HTR1E: variants seen among roughly 807,000 people sequenced by gnomAD.
The protein encoded by HTR1E is 5-hydroxytryptamine receptor 1E.
A neutral mutation model predicts 3.4 loss-of-function variants in HTR1E; 3 were observed. That is an observed-to-expected ratio of 0.89 (90% CI 0.41 to 2.31). The LOEUF (loss-of-function observed/expected upper bound fraction) is 2.31, where lower values mean the gene tolerates loss of function less well. Among genes scored for constraint, HTR1E ranks in the 30% most tolerant of loss-of-function variants. The pLI is 0.05. For missense variants in HTR1E, 392 were observed against 467.0 expected (o/e 0.84, Z 1.48); for synonymous variants, 170 against 182.8 (o/e 0.93, Z 0.56).
intron 1 of HTR1E, among the ~76,000 whole-genome samples, chr6:86,950,894 C>A (rs1023808337): frequency 6.6e-6 from 1 of 152,160 alleles, no homozygotes; most frequent in African/African-American, 2.4e-5. Flanking sequence ...TTTTTCAAAT[C>A]TGTTTTTCTA....
chr6:86,965,472 C>A (rs1252125512), intron 1 of HTR1E, among the ~76,000 whole-genome samples: 1 of 152,092 alleles, frequency 6.6e-6, no homozygotes, highest in Non-Finnish European at 1.5e-5. Context: ...CTAGCCATCA[C>A]CCACATAAAT....
chr6:86,979,539 A>C (rs975501769), intron 1 of HTR1E, among the ~76,000 whole-genome samples: 6 of 152,192 alleles, frequency 3.9e-5, no homozygotes, highest in African/African-American at 1.4e-4. Flanking sequence ...GATATGGCAA[A>C]GTGGTGGTAT....
At chr6:86,948,096 AT>A (rs1767151894) in intron 1 of HTR1E, among the ~76,000 whole-genome samples, 1 of 152,114 alleles carries the variant, frequency 6.6e-6, no homozygotes, top group African/African-American at 2.4e-5. Flanking sequence ...ATGTGTTCTC[AT>A]TGTTCAACTC....
intron 1 of HTR1E, among the ~76,000 whole-genome samples, chr6:86,947,777 G>A (rs1285362955): frequency 2.0e-5 from 3 of 152,052 alleles, no homozygotes; most frequent in Non-Finnish European, 4.4e-5. Flanking sequence ...TATCCAAAGT[G>A]GAATTTGGAT....
chr6:86,939,543 A>G (rs149681886), intron 1 of HTR1E, among the ~76,000 whole-genome samples: 139 of 152,330 alleles, frequency 9.1e-4, no homozygotes, highest in South Asian at 2.7e-3. Context: ...GGAGCCTTTT[A>G]AAGTGTAGCC....
intron 1 of HTR1E, among the ~76,000 whole-genome samples, chr6:87,005,358 C>G (rs1311243305): frequency 6.6e-6 from 1 of 152,080 alleles, no homozygotes; most frequent in Non-Finnish European, 1.5e-5. Flanking sequence ...ACTATAGTAA[C>G]CAAAACAGCA....
At chr6:86,943,580 C>T (rs1405117760) in intron 1 of HTR1E, among the ~76,000 whole-genome samples, 1 of 152,188 alleles carries the variant, frequency 6.6e-6, no homozygotes, top group Non-Finnish European at 1.5e-5. Flanking sequence ...TTCATTGTCA[C>T]CTGTGATGTC....
chr6:86,974,308 A>T (rs1211387420), intron 1 of HTR1E, among the ~76,000 whole-genome samples: 2 of 152,358 alleles, frequency 1.3e-5, no homozygotes, highest in African/African-American at 4.8e-5. Flanking sequence ...GAAAATTAAT[A>T]TTGAAATATT....
chr6:86,940,049 G>A (rs552615899), intron 1 of HTR1E, among the ~76,000 whole-genome samples: 4 of 152,116 alleles, frequency 2.6e-5, no homozygotes, highest in Non-Finnish European at 5.9e-5. Context: ...ACAAAATCCA[G>A]GACACACCTC....
intron 1 of HTR1E, among the ~76,000 whole-genome samples, chr6:87,010,359 G>T (rs1390752394): frequency 9.1e-6 from 1 of 110,154 alleles, no homozygotes; most frequent in Non-Finnish European, 1.9e-5. Context: ...CTGGCCGGGC[G>T]GGGGGCTGAC....
intron 1 of HTR1E, among the ~76,000 whole-genome samples, chr6:86,942,204 G>T (rs1041067838): frequency 4.6e-5 from 7 of 152,158 alleles, no homozygotes; most frequent in Non-Finnish European, 8.8e-5. Flanking sequence ...GGAGGAAGAA[G>T]AACCTACAGA....
chr6:86,942,828 G>A (rs1360410300), intron 1 of HTR1E, among the ~76,000 whole-genome samples: 1 of 152,162 alleles, frequency 6.6e-6, no homozygotes, highest in East Asian at 1.9e-4. Context: ...TGACCCCAGG[G>A]TTTGGTGACT....
chr6:86,939,334 A>G (rs375383411), intron 1 of HTR1E, among the ~76,000 whole-genome samples: 4 of 152,364 alleles, frequency 2.6e-5, no homozygotes, highest in African/African-American at 7.2e-5. Context: ...CTAAAATTGC[A>G]TAGCACCTCA....
At chr6:86,947,072 C>T (rs113159078) in intron 1 of HTR1E, among the ~76,000 whole-genome samples, 3,992 of 151,856 alleles carry the variant, frequency 0.026, 120 homozygotes, top group East Asian at 0.14. Flanking sequence ...GCCGAGATCG[C>T]GCCATTGCAC....
rs1385836989 is a variant in HTR1E at position 87,016,051 on chromosome 6, A to G, written c.717A>G (p.Thr239=). The part of the protein sequence containing the change: ...SQNSFASCKL[T]QTFCVSDFST... ...ATTCTTTTGCAAGTTGTAAACTTACACAGACTTTCTGTGTGTCTGACTTCT... is the reference window on the plus strand; with the variant it reads ...ATTCTTTTGCAAGTTGTAAACTTACGCAGACTTTCTGTGTGTCTGACTTCT... The change falls in exon 2 of 2, where the codon ACA becomes ACG. Residue 239 remains threonine, a synonymous_variant. Transcript: ENST00000305344. The G allele has an allele frequency of 1.2e-6, 2 of 1,614,112 alleles. No homozygotes were observed. The highest frequency in any genetic ancestry group is 1.3e-5 in the African/African-American group (1 of 74,942).
chr6:87,010,207 C>G (rs1415019478), intron 1 of HTR1E, among the ~76,000 whole-genome samples: 2 of 104,666 alleles, frequency 1.9e-5, no homozygotes, highest in African/African-American at 8.5e-5. Context: ...CACCTCCCTC[C>G]CGGATGGGGT....
At chr6:86,985,541 AAAAAGCAAGGCTCAGAT>A (rs1767773116) in intron 1 of HTR1E, among the ~76,000 whole-genome samples, 1 of 152,320 alleles carries the variant, frequency 6.6e-6, no homozygotes, top group South Asian at 2.1e-4. Context: ...GCCTTAGAAA[AAAAAGCAAGGCTCAGAT>A]AAGCAGAAGA....
At chr6:86,999,572 T>G (rs1767990293) in intron 1 of HTR1E, among the ~76,000 whole-genome samples, 1 of 152,180 alleles carries the variant, frequency 6.6e-6, no homozygotes, top group Admixed American at 6.5e-5. Context: ...TTAGAGTAAT[T>G]TTTTTCTACT....
chr6:86,944,876 A>G (rs1768593351), intron 1 of HTR1E, among the ~76,000 whole-genome samples: 2 of 152,240 alleles, frequency 1.3e-5, no homozygotes, highest in Admixed American at 1.3e-4. Context: ...TGGTGTAAGC[A>G]AACCTGTGCT....
Sources: allele counts gnomAD v4.1 joint callset (sites outside exome capture counted in the v4.1 genomes callset), GRCh38; gene constraint gnomAD v4.1.1; transcripts MANE v1.5; gene names NCBI Gene and HGNC (gene_info 2026-07-23, HGNC 2026-07-21).